Variants in INPP4B observed in about 807,000 individuals in gnomAD.
The protein encoded by INPP4B is inositol polyphosphate-4-phosphatase type II B, also known as inositol polyphosphate 4-phosphatase type II.
In INPP4B, 55 loss-of-function variants were observed where a neutral mutation model predicts 122.5. The ratio of observed to expected loss-of-function variants is 0.45; its 90% confidence interval spans 0.36 to 0.56. The LOEUF (loss-of-function observed/expected upper bound fraction) is 0.56. INPP4B is among the 20% of genes least tolerant of loss of function. INPP4B has a pLI of 0.00. For synonymous variants in INPP4B, 403 were observed against 388.7 expected, an observed-to-expected ratio of 1.04 and a Z score of -0.43; for missense variants, 1,000 against 1,097.7, an observed-to-expected ratio of 0.91 and a Z score of 1.26.
intron 2 of INPP4B, among the ~76,000 whole-genome samples, chr4:142,494,038 T>C (rs541780781): frequency 6.6e-6 from 1 of 152,278 alleles, no homozygotes; most frequent in South Asian, 2.1e-4. Context: ...GATGGTTTTA[T>C]ATGGAGCTTT....
intron 2 of INPP4B, among the ~76,000 whole-genome samples, chr4:142,515,805 G>A (rs531063517): frequency 1.3e-5 from 2 of 152,240 alleles, no homozygotes; most frequent in South Asian, 4.1e-4. Context: ...ACTATAGTGT[G>A]ATTTTCTCAT....
chr4:142,623,337 C>G (rs1745402965), intron 2 of INPP4B, among the ~76,000 whole-genome samples: 2 of 151,908 alleles, frequency 1.3e-5, no homozygotes, highest in Admixed American at 1.3e-4. Context: ...AGGAATCTTC[C>G]TGGCTTGGTG....
intron 2 of INPP4B, among the ~76,000 whole-genome samples, chr4:142,493,500 T>C (rs1822138973): frequency 6.6e-6 from 1 of 152,194 alleles, no homozygotes; most frequent in African/African-American, 2.4e-5. Flanking sequence ...TGGGAGCCCA[T>C]CTCTTGCATC....
At chr4:142,632,473 T>C (rs986187436) in intron 2 of INPP4B, among the ~76,000 whole-genome samples, 1 of 151,992 alleles carries the variant, frequency 6.6e-6, no homozygotes, top group Non-Finnish European at 1.5e-5. Context: ...AGAGATTGAT[T>C]AATGGGTTCA....
At chr4:142,171,501 T>C (rs575492151) in intron 16 of INPP4B, among the ~76,000 whole-genome samples, 32 of 152,012 alleles carry the variant, frequency 2.1e-4, no homozygotes, top group African/African-American at 7.7e-4. Context: ...ATCCCACTAA[T>C]ATTCAATTAT....
rs139755152 is a variant in INPP4B at position 142,811,077 on chromosome 4, T to C, written c.-254+35132A>G. Among the ~76,000 whole-genome samples the C allele has an allele frequency of 2.9e-4, 44 of 152,354 alleles. No individual in the cohort carries two copies. The East Asian group carries it at 7.7e-3, about 27-fold the overall frequency. ...TACTTTCAATCCAGTTGTTAAATTCTACACTTACTGTCTTATAAGGAGTCA... is the reference window on the plus strand; with the variant it reads ...TACTTTCAATCCAGTTGTTAAATTCCACACTTACTGTCTTATAAGGAGTCA... On this transcript the variant is annotated intron_variant, in intron 1 of 25. Coordinates refer to ENST00000262992, the MANE Select transcript of INPP4B (RefSeq NM_001101669.3).
chr4:142,482,286 A>G (rs1352581410), intron 2 of INPP4B, among the ~76,000 whole-genome samples: 1 of 152,086 alleles, frequency 6.6e-6, no homozygotes, highest in Non-Finnish European at 1.5e-5. Context: ...CTTCCTATGT[A>G]TGGTAAGCCC....
intron 1 of INPP4B, among the ~76,000 whole-genome samples, chr4:142,789,385 T>G (rs979202570): frequency 6.6e-6 from 1 of 152,112 alleles, no homozygotes; most frequent in Non-Finnish European, 1.5e-5. Context: ...TGCAGCAAAG[T>G]TTCAGTGTAC....
chr4:142,420,468 C>T (rs1806638546), intron 5 of INPP4B, among the ~76,000 whole-genome samples: 2 of 152,082 alleles, frequency 1.3e-5, no homozygotes, highest in Non-Finnish European at 1.5e-5. Context: ...GCAGAACATG[C>T]TAAATCTTGG....
At chr4:142,364,955 G>A (rs1055689617) in intron 7 of INPP4B, among the ~76,000 whole-genome samples, 10 of 152,040 alleles carry the variant, frequency 6.6e-5, no homozygotes, top group African/African-American at 2.4e-4. Context: ...AAAATGGAGA[G>A]AAAGAACATA....
intron 25 of INPP4B, among the ~76,000 whole-genome samples, chr4:142,035,844 G>A (rs1455311905): frequency 6.6e-6 from 1 of 152,150 alleles, no homozygotes; most frequent in African/African-American, 2.4e-5. Context: ...CAGCTGTAGA[G>A]GGGGCTCAGT....
At chr4:142,624,966 T>G (rs1745976111) in intron 2 of INPP4B, among the ~76,000 whole-genome samples, 1 of 151,684 alleles carries the variant, frequency 6.6e-6, no homozygotes, top group African/African-American at 2.4e-5. Context: ...AAATTAGGTA[T>G]TGATGGGATG....
chr4:142,145,871 T>C lies in INPP4B; in HGVS notation c.1689A>G (p.Ser563=). The C allele has an allele frequency of 1.2e-6, 2 of 1,613,854 alleles. No individual in the cohort carries two copies. The highest frequency in any genetic ancestry group is 8.5e-7 in the Non-Finnish European group (1 of 1,179,772). Reference sequence around the variant, plus strand: ...GGTGAGAGGGAATGGCATCTGTTAATGAAGGTTCCTTTTCTCCATCATTGT... The same window carrying C: ...GGTGAGAGGGAATGGCATCTGTTAACGAAGGTTCCTTTTCTCCATCATTGT... ...GGNNDGEKEP[S]LTDAIPSHPR... is the part of the protein sequence containing the mutation. Residue 563 remains serine, a synonymous_variant, in exon 18 of 26, where the codon TCA becomes TCG. Transcript: ENST00000262992.
intron 5 of INPP4B, among the ~76,000 whole-genome samples, chr4:142,410,883 A>G (rs1485187594): frequency 6.6e-6 from 1 of 152,234 alleles, no homozygotes; most frequent in Non-Finnish European, 1.5e-5. Context: ...TATACTAATC[A>G]TATGCTCAAG....
chr4:142,087,165 C>A (rs1209967537), intron 23 of INPP4B, among the ~76,000 whole-genome samples: 1 of 152,122 alleles, frequency 6.6e-6, no homozygotes, highest in African/African-American at 2.4e-5. Flanking sequence ...CCCAAGGTAA[C>A]AGTAAAAATG....
chr4:142,715,302 T>A (rs1763622304), intron 2 of INPP4B, among the ~76,000 whole-genome samples: 1 of 152,240 alleles, frequency 6.6e-6, no homozygotes, highest in African/African-American at 2.4e-5. Flanking sequence ...AGTAGTTGCA[T>A]ATAAATATTG....
At chr4:142,554,909 C>A (rs1168726977) in intron 2 of INPP4B, among the ~76,000 whole-genome samples, 16 of 152,128 alleles carry the variant, frequency 1.1e-4, no homozygotes, top group Non-Finnish European at 2.9e-5. Flanking sequence ...GGATGCTATT[C>A]CCTCTGTGGG....
At chr4:142,400,548 C>G (rs1801242691) in intron 7 of INPP4B, among the ~76,000 whole-genome samples, 1 of 152,052 alleles carries the variant, frequency 6.6e-6, no homozygotes, top group Non-Finnish European at 1.5e-5. Flanking sequence ...AGATAAAGAC[C>G]ACATGTCCAT....
At chr4:142,239,143 A>G (rs1858013818) in intron 11 of INPP4B, among the ~76,000 whole-genome samples, 2 of 152,130 alleles carry the variant, frequency 1.3e-5, no homozygotes, top group South Asian at 4.1e-4. Context: ...ATCTTCTTGA[A>G]CACTGAAATG....
Sources: allele counts gnomAD v4.1 joint callset (sites outside exome capture counted in the v4.1 genomes callset), GRCh38; gene constraint gnomAD v4.1.1; transcripts MANE v1.5; gene names NCBI Gene and HGNC (gene_info 2026-07-23, HGNC 2026-07-21).